Variants in COL19A1 observed in about 807,000 individuals in gnomAD.
COL19A1 encodes collagen alpha-1(XIX) chain.
COL19A1 carries 159 observed loss-of-function variants against 190.2 expected under a neutral mutation model. The ratio of observed to expected loss-of-function variants is 0.84; its 90% CI spans 0.73 to 0.95. The LOEUF is 0.95. COL19A1 is among the 40% of genes least tolerant of loss of function. The pLI is 0.00. For synonymous variants in COL19A1, 509 were observed against 458.9 expected, an observed-to-expected ratio of 1.11 and a Z score of -1.39; for missense variants, 1,418 against 1,431.9, an observed-to-expected ratio of 0.99 and a Z score of 0.16.
At chr6:70,169,710 C>A (rs1476535462) in intron 40 of COL19A1, among the ~76,000 whole-genome samples, 1 of 152,014 alleles carries the variant, frequency 6.6e-6, no homozygotes, top group Non-Finnish European at 1.5e-5. Context: ...ATTCATTCAC[C>A]CTGTCTACCC....
intron 15 of COL19A1, among the ~76,000 whole-genome samples, chr6:70,089,576 T>C (rs191318618): frequency 1.2e-4 from 19 of 152,324 alleles, no homozygotes; most frequent in African/African-American, 4.6e-4. Flanking sequence ...TGCTCATTAA[T>C]CATACATATT....
chr6:70,191,637 C>G (rs1216866273), intron 48 of COL19A1, among the ~76,000 whole-genome samples: 1 of 152,214 alleles, frequency 6.6e-6, no homozygotes, highest in African/African-American at 2.4e-5. Flanking sequence ...ACTCACCCTA[C>G]ATTTCTTTGT....
intron 12 of COL19A1, among the ~76,000 whole-genome samples, chr6:70,026,419 A>G (rs1390385123): frequency 6.6e-6 from 1 of 152,182 alleles, no homozygotes; most frequent in Non-Finnish European, 1.5e-5. Flanking sequence ...CACATGCCCC[A>G]ATAACAGGAG....
At chr6:69,924,656 G>T (rs1023073798) in intron 4 of COL19A1, among the ~76,000 whole-genome samples, 4 of 152,118 alleles carry the variant, frequency 2.6e-5, no homozygotes, top group African/African-American at 9.7e-5. Context: ...CTGAGGAATC[G>T]CCACACTCTC....
In COL19A1 at chr6:69,982,069, G is replaced by A. The variant is rs549966074; in HGVS notation, c.1026+19199G>A. Among the ~76,000 whole-genome samples the A allele has an allele frequency of 2.1e-4, 32 of 152,150 alleles. No individual in the cohort carries two copies. The South Asian group carries it at 6.2e-3, about 30-fold the overall frequency. On this transcript the variant is annotated intron_variant, in intron 11 of 50. Transcript: ENST00000620364. ...TGCCATCATAGCAATGACAATGTGAGGATCATGGTGGAAGCAGCAGCAATT... is the reference window on the plus strand; with the variant it reads ...TGCCATCATAGCAATGACAATGTGAAGATCATGGTGGAAGCAGCAGCAATT...
intron 1 of COL19A1, among the ~76,000 whole-genome samples, chr6:69,877,769 C>T (rs1040530090): frequency 7.2e-5 from 11 of 151,728 alleles, no homozygotes; most frequent in African/African-American, 2.4e-4. Context: ...GCCTGTAATC[C>T]CAGCACTTTG....
chr6:70,048,054 G>A (rs1241414423), intron 14 of COL19A1, among the ~76,000 whole-genome samples: 1 of 152,106 alleles, frequency 6.6e-6, no homozygotes, highest in Non-Finnish European at 1.5e-5. Flanking sequence ...GGTTAAGTCT[G>A]TCAACAGCAG....
chr6:69,869,152 C>A (rs974813299), intron 1 of COL19A1, among the ~76,000 whole-genome samples: 1 of 152,018 alleles, frequency 6.6e-6, no homozygotes, highest in Non-Finnish European at 1.5e-5. Flanking sequence ...AGAGATCCAG[C>A]AGGGAGGGCA....
chr6:69,988,042 A>C (rs1776404527), intron 11 of COL19A1, among the ~76,000 whole-genome samples: 1 of 152,198 alleles, frequency 6.6e-6, no homozygotes, highest in African/African-American at 2.4e-5. Context: ...AGACTCAAAA[A>C]TGGTTCACTA....
In COL19A1 at chr6:70,207,179, G is replaced by A. The variant is rs141812196; in HGVS notation, c.3334G>A (p.Gly1112Ser). 292 of 1,613,450 alleles carry A rather than the reference G, an allele frequency of 1.8e-4. No individual in the cohort carries two copies. In the African/African-American group the frequency reaches 3.3e-3, roughly 19 times the overall value. ...LGLPGSPGAP[G>S]PQGPPGPSGR... is the part of the protein sequence containing the mutation. Reference sequence around the variant, plus strand: ...TTTGCCAGGCTCACCAGGTGCCCCAGGCCCACAGGGCCCCCCAGGACCCAG... The same window carrying A: ...TTTGCCAGGCTCACCAGGTGCCCCAAGCCCACAGGGCCCCCCAGGACCCAG... Residue 1112 changes from glycine (G) to serine (S), a missense_variant, in exon 51 of 51, where the codon GGC (glycine) becomes AGC (serine). By Grantham distance (56) the Gly-to-Ser change is moderately conservative. Transcript: ENST00000620364.
chr6:69,895,912 A>T (rs1769698029), intron 2 of COL19A1, among the ~76,000 whole-genome samples: 1 of 152,126 alleles, frequency 6.6e-6, no homozygotes, highest in African/African-American at 2.4e-5. Context: ...TTAGACTATT[A>T]TGTGTAACGC....
rs1005103326 is a variant in COL19A1 at position 70,150,598 on chromosome 6, C to T, written c.2037+553C>T. ...AAACCCCTTTAAATAGCCTCAGACT[C>T]GGCAGTTATAATTTGAGAGGCCATA... On this transcript the variant is annotated intron_variant, in intron 30 of 50. Transcript: ENST00000620364. 3.9e-5 allele frequency among the ~76,000 whole-genome samples: 6 copies of T among 152,066 alleles called. No individual in the cohort carries two copies. The East Asian group carries it at 5.8e-4, about 15-fold the overall frequency.
intron 49 of COL19A1, among the ~76,000 whole-genome samples, chr6:70,204,191 C>T (rs954703453): frequency 2.0e-5 from 3 of 152,160 alleles, no homozygotes; most frequent in Admixed American, 6.5e-5. Flanking sequence ...TATGGAAATA[C>T]ATGTCTCTTT....
chr6:70,194,253 C>T (rs1767057865), intron 48 of COL19A1, among the ~76,000 whole-genome samples: 2 of 152,158 alleles, frequency 1.3e-5, no homozygotes, highest in South Asian at 4.1e-4. Flanking sequence ...TCTAGTGAAA[C>T]CCTAGACCAG....
At chr6:70,126,662 T>C (rs892261189) in intron 17 of COL19A1, among the ~76,000 whole-genome samples, 2 of 152,244 alleles carry the variant, frequency 1.3e-5, no homozygotes, top group African/African-American at 2.4e-5. Context: ...TATTATGTTT[T>C]AACTTGCTAG....
At chr6:69,901,651 A>G (rs561139425) in intron 4 of COL19A1, among the ~76,000 whole-genome samples, 1 of 152,360 alleles carries the variant, frequency 6.6e-6, no homozygotes, top group East Asian at 1.9e-4. Flanking sequence ...AGAAAAGATG[A>G]GAGGCGCAAT....
intron 11 of COL19A1, among the ~76,000 whole-genome samples, chr6:69,979,114 T>C (rs1452791800): frequency 6.6e-6 from 1 of 151,984 alleles, no homozygotes; most frequent in East Asian, 1.9e-4. Context: ...GCACCAGGAC[T>C]AATTGGGTTT....
chr6:70,004,488 C>T (rs888463495), intron 11 of COL19A1, among the ~76,000 whole-genome samples: 6 of 152,078 alleles, frequency 3.9e-5, no homozygotes, highest in African/African-American at 1.2e-4. Flanking sequence ...TTTCCATGCT[C>T]CTCATCATCT....
At chr6:69,931,637 G>A (rs1022037306) in intron 6 of COL19A1, among the ~76,000 whole-genome samples, 9 of 151,866 alleles carry the variant, frequency 5.9e-5, no homozygotes, top group Non-Finnish European at 1.5e-5. Flanking sequence ...TATGTAAGAC[G>A]GTGTATTTAA....
Sources: gnomAD v4.1 joint callset for allele counts (sites outside exome capture counted in the v4.1 genomes callset) on GRCh38, gnomAD v4.1.1 for gene constraint, MANE v1.5 for transcripts, NCBI Gene and HGNC (gene_info 2026-07-23, HGNC 2026-07-21) for gene names.